The following ERCC6L2 variants were observed in gnomAD, a reference collection of about 807,000 sequenced individuals.
ERCC6L2 encodes DNA excision repair protein ERCC-6-like 2.
ERCC6L2 carries 77 observed loss-of-function variants against 132.0 expected under a neutral mutation model. The observed-to-expected ratio is 0.58, with a 90% CI of 0.49 to 0.71. The LOEUF (loss-of-function observed/expected upper bound fraction) is 0.71, where lower values mean the gene tolerates loss of function less well. Ranked by LOEUF, ERCC6L2 falls within the 30% of genes least tolerant of loss-of-function variation. The pLI is 0.00. For missense variants in ERCC6L2, 1,542 were observed against 1,837.6 expected (o/e 0.84, Z 2.94); for synonymous variants, 583 against 632.4 (o/e 0.92, Z 1.17).
In ERCC6L2 at chr9:95,972,779, A is replaced by G. The variant is rs1182012801; in HGVS notation, c.3028A>G (p.Lys1010Glu). The G allele has an allele frequency of 1.5e-6, 2 of 1,303,862 alleles. No individual in the cohort carries two copies. The highest frequency in any genetic ancestry group is 1.5e-5 in the African/African-American group (1 of 65,820). The allele number at this position is 1,303,862 out of a possible 1,614,324, so 80.8% of individuals were successfully genotyped here. A position where few individuals can be genotyped will look rare whatever the true frequency, so the allele number is the denominator to read the frequency against. ...GAGGTTTAAGAGAATAAAAGAAACC[A>G]AAAAAGAACTTCACAATTCTCCCAA... The part of the protein sequence containing the change: ...SLRFKRIKET[K>E]KELHNSPKTM... The change falls in exon 16 of 19, where the codon AAA becomes GAA. Residue 1010 changes from lysine to glutamate, a missense_variant. Lys to Glu is a moderately conservative substitution (Grantham distance 56). Transcript: ENST00000653738.
chr9:96,022,422 T>C (rs183150734), downstream of ERCC6L2, among the ~76,000 whole-genome samples: 1 of 152,362 alleles, frequency 6.6e-6, no homozygotes, highest in East Asian at 1.9e-4. Context: ...CAGTGGATTT[T>C]CTCGTTTAAT....
chr9:95,973,192 A>G, intron 16 of ERCC6L2, 104 bp downstream of exon 16: 1 of 747,996 alleles, frequency 1.3e-6, no homozygotes, highest in Non-Finnish European at 1.9e-6. Flanking sequence ...TAAAATCAAG[A>G]TGCTGCATTG....
intron 13 of ERCC6L2, among the ~76,000 whole-genome samples, chr9:95,957,720 A>T (rs1440373573): frequency 6.6e-6 from 1 of 152,140 alleles, no homozygotes; most frequent in Admixed American, 6.6e-5. Flanking sequence ...AGAACTTTAT[A>T]TGACACAAAT....
At chr9:96,032,205 T>G (rs1473559872) in intron 19 of ERCC6L2, among the ~76,000 whole-genome samples, 1 of 151,332 alleles carries the variant, frequency 6.6e-6, no homozygotes, top group Non-Finnish European at 1.5e-5. Flanking sequence ...ACACCTCCCT[T>G]CATCAGGGAA....
chr9:95,987,804 C>T (rs910404660), intron 17 of ERCC6L2, among the ~76,000 whole-genome samples: 1 of 152,234 alleles, frequency 6.6e-6, no homozygotes, highest in Non-Finnish European at 1.5e-5. Flanking sequence ...TTCTGCACTG[C>T]CCTAGCAGAG....
chr9:95,915,817 G>A lies in ERCC6L2; in HGVS notation c.938G>A (p.Cys313Tyr). 6.2e-7 allele frequency: 1 copy of A among 1,610,740 alleles called. No individual in the cohort carries two copies. Among genetic ancestry groups the A allele is most frequent in the Non-Finnish European group, 8.5e-7 (1 of 1,178,878 alleles). ...ILQNNMKELW[C>Y]VMDWAVPGLL... Reference sequence around the variant, plus strand: ...CAGAACAACATGAAGGAACTGTGGTGTGTTATGGACTGGTGAGAGAAAACA... The same window carrying A: ...CAGAACAACATGAAGGAACTGTGGTATGTTATGGACTGGTGAGAGAAAACA... The change falls in exon 5 of 19, where the codon TGT becomes TAT. Residue 313 changes from cysteine to tyrosine, a missense_variant. Coordinates refer to ENST00000653738, the MANE Select transcript of ERCC6L2 (RefSeq NM_020207.7).
chr9:95,915,830 G>C lies in ERCC6L2; in HGVS notation c.950+1G>C. 6.3e-7 allele frequency: 1 copy of C among 1,584,628 alleles called. No homozygotes were observed. The highest frequency in any genetic ancestry group is 1.2e-5 in the South Asian group (1 of 86,022). On this transcript the variant is annotated splice_donor_variant, in intron 5 of 18. Transcript: ENST00000653738. LOFTEE classifies it high-confidence loss of function. ...AGGAACTGTGGTGTGTTATGGACTGGTGAGAGAAAACACTTTTTAAAAAAT... is the reference window on the plus strand; with the variant it reads ...AGGAACTGTGGTGTGTTATGGACTGCTGAGAGAAAACACTTTTTAAAAAAT...
intron 4 of ERCC6L2, among the ~76,000 whole-genome samples, chr9:95,909,580 TC>T (rs1277160707): frequency 6.6e-6 from 1 of 152,220 alleles, no homozygotes; most frequent in African/African-American, 2.4e-5. Flanking sequence ...GTGTGTCGCA[TC>T]TTTTGTTCAG....
chr9:95,886,061 G>A (rs1316653860), intron 2 of ERCC6L2, among the ~76,000 whole-genome samples: 2 of 151,946 alleles, frequency 1.3e-5, no homozygotes, highest in Non-Finnish European at 2.9e-5. Flanking sequence ...TGGCATTCAG[G>A]GTGGAGTGCA....
chr9:95,918,144 C>T, intron 6 of ERCC6L2: 1 of 457,976 alleles, frequency 2.2e-6, no homozygotes. Flanking sequence ...AAATAGCTTC[C>T]AAAAGAGTTG....
intron 16 of ERCC6L2, among the ~76,000 whole-genome samples, chr9:95,974,223 A>G (rs1832562901): frequency 2.0e-5 from 3 of 152,158 alleles, no homozygotes. Context: ...GAGGTACTTC[A>G]CTACTTCCCT....
intron 19 of ERCC6L2, among the ~76,000 whole-genome samples, chr9:96,029,327 A>C (rs1417582805): frequency 1.3e-5 from 2 of 150,464 alleles, no homozygotes; most frequent in South Asian, 2.1e-4. Context: ...AAAAAAACAA[A>C]AAAAAAATTA....
At chr9:96,005,331 A>G (rs1489948921) in intron 18 of ERCC6L2, among the ~76,000 whole-genome samples, 1 of 152,046 alleles carries the variant, frequency 6.6e-6, no homozygotes, top group Non-Finnish European at 1.5e-5. Context: ...AAGGACAGAC[A>G]TAGAGCCTCC....
chr9:95,941,537 A>C lies in ERCC6L2; in HGVS notation c.1835A>C (p.Gln612Pro). The C allele has an allele frequency of 6.2e-7, 1 of 1,611,996 alleles. No homozygotes were observed. The highest frequency in any genetic ancestry group is 8.5e-7 in the Non-Finnish European group (1 of 1,178,390). ...ACTTGGAATCCAGCCAATGATCTTCAAGCCATTGACAGGTATAATACTGAC... is the reference window on the plus strand; with the variant it reads ...ACTTGGAATCCAGCCAATGATCTTCCAGCCATTGACAGGTATAATACTGAC... ...DPTWNPANDL[Q>P]AIDRAYRIGQ... The change falls in exon 12 of 19, where the codon CAA (glutamine) becomes CCA (proline). Residue 612 changes from glutamine to proline, a missense_variant. Gln to Pro is a moderately conservative substitution (Grantham distance 76). Around this residue, in one of 4 missense-constraint regions of ERCC6L2, gnomAD observed 945 missense variants for 1,105.2 expected, o/e 0.86. Transcript: ENST00000653738.
intron 12 of ERCC6L2, among the ~76,000 whole-genome samples, chr9:95,946,875 A>G (rs1831088976): frequency 6.6e-6 from 1 of 152,136 alleles, no homozygotes; most frequent in Admixed American, 6.5e-5. Flanking sequence ...TTGTTTCAGG[A>G]CACCATGAAC....
chr9:96,027,129 A>G (rs914902147), intron 19 of ERCC6L2, among the ~76,000 whole-genome samples: 4 of 146,910 alleles, frequency 2.7e-5, no homozygotes, highest in African/African-American at 1.0e-4. Flanking sequence ...CACACACCAC[A>G]CACAACACAC....
intron 16 of ERCC6L2, among the ~76,000 whole-genome samples, chr9:95,975,135 C>T (rs1832609198): frequency 6.6e-6 from 1 of 152,072 alleles, no homozygotes; most frequent in Non-Finnish European, 1.5e-5. Context: ...TATACTATGT[C>T]TTCATTGTCA....
rs1834148947 is a variant in ERCC6L2 at position 96,015,011 on chromosome 9, TAC to T, written c.*1810_*1811del. ...ATTAGCTCTATAGTCTTCATATATG[TAC>T]AGTTTTTTTTTTTTTTTTTTTTTTT... On this transcript the variant is annotated 3_prime_UTR_variant, in exon 19 of 19. Coordinates refer to ENST00000653738, the MANE Select transcript of ERCC6L2 (RefSeq NM_020207.7). 7.3e-6 allele frequency among the ~76,000 whole-genome samples: 1 copy of T among 136,848 alleles called. No individual in the cohort carries two copies. The highest frequency in any genetic ancestry group is 2.3e-4 in the South Asian group (1 of 4,284). 89.8% of individuals were successfully genotyped at this position (136,848 alleles called of 152,430 possible).
In ERCC6L2 at chr9:95,875,738, T is replaced by C; in HGVS notation, c.-301T>C. The C allele has an allele frequency of 2.1e-6, 1 of 465,218 alleles. No homozygotes were observed. Among genetic ancestry groups the C allele is most frequent in the Non-Finnish European group, 3.9e-6 (1 of 256,992 alleles). 28.8% of individuals were successfully genotyped at this position (465,218 alleles called of 1,614,324 possible). On this transcript the variant is annotated 5_prime_UTR_variant, in exon 1 of 19. Transcript: ENST00000653738. The stretch of plus-strand genomic sequence containing the variant: ...TCGCCTTGCCGGCCTCCTGTCCTCC[T>C]CCGGCGGCGGCGGAGCCCGAGAGAA...
Sources: allele counts gnomAD v4.1 joint callset (sites outside exome capture counted in the v4.1 genomes callset), GRCh38; gene constraint gnomAD v4.1.1; regional missense constraint gnomAD v4.1.1; transcripts MANE v1.5; gene names NCBI Gene and HGNC (gene_info 2026-07-23, HGNC 2026-07-21).